PRUNE2: variants seen among roughly 807,000 people sequenced by gnomAD.
PRUNE2 encodes the protein prune homolog 2 with BCH domain.
PRUNE2 carries 164 observed loss-of-function variants against 252.0 expected under a neutral mutation model. That is an observed-to-expected ratio of 0.65 (90% CI 0.57 to 0.74). PRUNE2 has a LOEUF of 0.74. Ranked by LOEUF, PRUNE2 falls within the 30% of genes least tolerant of loss-of-function variation. The pLI, the probability that PRUNE2 is intolerant of heterozygous loss-of-function variation, is 0.00. For synonymous variants in PRUNE2, 1,292 were observed against 1,350.2 expected, an observed-to-expected ratio of 0.96 and a Z score of 0.94; for missense variants, 3,495 against 3,711.0, an observed-to-expected ratio of 0.94 and a Z score of 1.51.
At chr9:76,704,586 T>C (rs2046171439) in intron 8 of PRUNE2, among the ~76,000 whole-genome samples, 175 bp downstream of exon 8, 1 of 152,260 alleles carries the variant, frequency 6.6e-6, no homozygotes, top group Admixed American at 6.5e-5. Context: ...GAATAGGTAT[T>C]ACATATGCAC....
intron 4 of PRUNE2, among the ~76,000 whole-genome samples, chr9:76,834,294 A>G (rs150578224): frequency 6.6e-6 from 1 of 152,330 alleles, no homozygotes; most frequent in East Asian, 1.9e-4. Flanking sequence ...ATAAAGAATA[A>G]ACACTGTCTT....
chr9:76,771,452 G>C (rs963017147), intron 6 of PRUNE2, among the ~76,000 whole-genome samples: 3 of 152,156 alleles, frequency 2.0e-5, no homozygotes, highest in Non-Finnish European at 2.9e-5. Context: ...CTATGAAGCA[G>C]AGTCCCTGCT....
chr9:76,807,849 AC>A (rs2057080802), intron 6 of PRUNE2, among the ~76,000 whole-genome samples: 2 of 152,222 alleles, frequency 1.3e-5, no homozygotes, highest in East Asian at 3.8e-4. Context: ...ACAATCGAGC[AC>A]ATACTGATGT....
chr9:76,746,618 T>C (rs1025452847), intron 6 of PRUNE2, among the ~76,000 whole-genome samples: 8 of 141,982 alleles, frequency 5.6e-5, no homozygotes, highest in African/African-American at 1.8e-4. Context: ...GGCAGGAGAA[T>C]GGCGTGAACC....
intron 6 of PRUNE2, among the ~76,000 whole-genome samples, chr9:76,752,093 TTTG>T (rs2050663931): frequency 5.3e-5 from 1 of 19,008 alleles, no homozygotes; most frequent in Non-Finnish European, 8.1e-5. Flanking sequence ...CTGTTTTTTT[TTTG>T]GTTTTTTTTT....
At chr9:76,730,759 G>C (rs1050334787) in intron 6 of PRUNE2, among the ~76,000 whole-genome samples, 2 of 152,146 alleles carry the variant, frequency 1.3e-5, no homozygotes, top group African/African-American at 4.8e-5. Flanking sequence ...AATTAGCCGA[G>C]TGTGGTGGTG....
intron 6 of PRUNE2, among the ~76,000 whole-genome samples, chr9:76,730,629 C>T (rs926103770): frequency 7.2e-5 from 11 of 152,178 alleles, no homozygotes; most frequent in African/African-American, 2.2e-4. Context: ...GGGCCGGGTA[C>T]GGTGGCTCAC....
chr9:76,757,292 A>T (rs2051243369), intron 6 of PRUNE2, among the ~76,000 whole-genome samples: 1 of 152,238 alleles, frequency 6.6e-6, no homozygotes, highest in Admixed American at 6.5e-5. Flanking sequence ...ACCAGCAGCG[A>T]ATATTACAAG....
At chr9:76,646,077 A>G (rs1844723086) in intron 11 of PRUNE2, among the ~76,000 whole-genome samples, 1 of 152,198 alleles carries the variant, frequency 6.6e-6, no homozygotes, top group South Asian at 2.1e-4. Flanking sequence ...CTAATCTACC[A>G]CATTGTACCT....
chr9:76,754,988 A>C (rs1342754670), intron 6 of PRUNE2, among the ~76,000 whole-genome samples: 4 of 146,896 alleles, frequency 2.7e-5, no homozygotes, highest in Admixed American at 6.8e-5. Flanking sequence ...AAAAAAAAAA[A>C]CCCAAAAAAA....
intron 11 of PRUNE2, 70 bp from the exon 12 acceptor site, chr9:76,644,979 G>A (rs756132312): frequency 5.6e-6 from 8 of 1,423,784 alleles, no homozygotes; most frequent in Non-Finnish European, 7.7e-6. Flanking sequence ...ACAGCCAAAT[G>A]GTAAGCTTTA....
chr9:76,710,776 G>C lies in PRUNE2; in HGVS notation c.1498C>G (p.Pro500Ala). The part of the protein sequence containing the change: ...HFDLFNFDPA[P>A]MASGQSQQSS... ...TGCTGGGACTGCCCAGAAGCCATGGGTGCTGGGTCAAAATTGAAGAGGTCG... is the reference window on the plus strand; with the variant it reads ...TGCTGGGACTGCCCAGAAGCCATGGCTGCTGGGTCAAAATTGAAGAGGTCG... The change falls in exon 8 of 19, where the codon CCC becomes GCC. Residue 500 changes from proline (P) to alanine (A), a missense_variant. Pro to Ala is a conservative substitution (Grantham distance 27). Coordinates refer to ENST00000376718, the MANE Select transcript of PRUNE2 (RefSeq NM_015225.3). 1 of 1,599,358 alleles carries C rather than the reference G, an allele frequency of 6.3e-7. No homozygotes were observed. Among genetic ancestry groups the C allele is most frequent in the East Asian group, 2.2e-5 (1 of 44,788 alleles).
At position 76,703,637 on chromosome 9, in the gene PRUNE2, G is replaced by A; in HGVS notation, c.7976C>T (p.Thr2659Ile). 6.2e-7 allele frequency: 1 copy of A among 1,612,338 alleles called. No individual in the cohort carries two copies. Among genetic ancestry groups the A allele is most frequent in the Non-Finnish European group, 8.5e-7 (1 of 1,179,882 alleles). The change falls in exon 9 of 19, where the codon ACT becomes ATT. Residue 2659 changes from threonine to isoleucine, a missense_variant. Physicochemically the swap from Thr to Ile is moderately conservative, Grantham distance 89 (BLOSUM62 -1). Coordinates refer to ENST00000376718, the MANE Select transcript of PRUNE2 (RefSeq NM_015225.3). ...RDSGPGWSGK[T>I]VEPFSELGLG... The stretch of plus-strand genomic sequence containing the variant: ...GCCGAGTTCAGAGAACGGCTCCACA[G>A]TCTTGCCAGACCACCCAGGCCCTGA...
In PRUNE2 at chr9:76,707,952, C is replaced by T; in HGVS notation, c.4322G>A (p.Gly1441Asp). ...CCCATCTGAAGTCTCAGTAGTTTCA[C>T]CTGAATTTCTTTGACTCATGAGGTG... The part of the protein sequence containing the change: ...EKHLMSQRNS[G>D]ETTETSDGMN... The change falls in exon 8 of 19, where the codon GGT (glycine) becomes GAT (aspartate). Residue 1441 changes from glycine (G) to aspartate (D), a missense_variant. Transcript: ENST00000376718. The T allele has an allele frequency of 6.2e-7, 1 of 1,613,874 alleles. No individual in the cohort carries two copies.
At chr9:76,820,006 G>T (rs574527304) in intron 6 of PRUNE2, among the ~76,000 whole-genome samples, 1 of 152,274 alleles carries the variant, frequency 6.6e-6, no homozygotes, top group Non-Finnish European at 1.5e-5. Context: ...GGCCACAAAG[G>T]ATCAGGTGTA....
At position 76,823,663 on chromosome 9, in the gene PRUNE2, A is replaced by G; in HGVS notation, c.725T>C (p.Val242Ala). 1 of 1,611,478 alleles carries G rather than the reference A, an allele frequency of 6.2e-7. No individual in the cohort carries two copies. The change falls in exon 6 of 19, where the codon GTG (valine) becomes GCG (alanine). Residue 242 changes from valine to alanine, a missense_variant. Physicochemically the swap from Val to Ala is moderately conservative, Grantham distance 64. Coordinates refer to ENST00000376718, the MANE Select transcript of PRUNE2 (RefSeq NM_015225.3). ...GTTCATGCTCACAGTACTAATGGCC[A>G]CTTTTATTTCTCCATCTGACAGCTC... ...LKELSDGEIK[V>A]AISTVSMNLE...
At chr9:76,883,782 T>A (rs1002123911) in intron 1 of PRUNE2, among the ~76,000 whole-genome samples, 2 of 152,234 alleles carry the variant, frequency 1.3e-5, no homozygotes, top group Non-Finnish European at 2.9e-5. Flanking sequence ...CCACCCTTTA[T>A]CTGTGCCCCT....
intron 6 of PRUNE2, among the ~76,000 whole-genome samples, chr9:76,815,660 C>T (rs1288477782): frequency 6.6e-6 from 1 of 152,116 alleles, no homozygotes; most frequent in Non-Finnish European, 1.5e-5. Flanking sequence ...TTTATATAAT[C>T]CCTGTTGCAA....
At chr9:76,760,286 C>A (rs1371260310) in intron 6 of PRUNE2, among the ~76,000 whole-genome samples, 2 of 152,140 alleles carry the variant, frequency 1.3e-5, no homozygotes, top group Non-Finnish European at 2.9e-5. Context: ...TTCTCCATCA[C>A]ACACCAGCTA....
Sources: allele counts gnomAD v4.1 joint callset (sites outside exome capture counted in the v4.1 genomes callset), GRCh38; gene constraint gnomAD v4.1.1; transcripts MANE v1.5; gene names NCBI Gene and HGNC (gene_info 2026-07-23, HGNC 2026-07-21).